Variants in CAMSAP2 observed in about 807,000 individuals in gnomAD.
The protein encoded by CAMSAP2 is calmodulin-regulated spectrin-associated protein 2.
In CAMSAP2, 26 loss-of-function variants were observed where a neutral mutation model predicts 146.1. The observed-to-expected ratio is 0.18, with a 90% CI of 0.13 to 0.25. The LOEUF is 0.25. CAMSAP2 is among the 10% of genes least tolerant of loss of function. The pLI is 1.00. For missense variants in CAMSAP2, 1,381 were observed against 1,759.3 expected (o/e 0.78, Z 3.85); for synonymous variants, 499 against 596.6 (o/e 0.84, Z 2.38).
chr1:200,823,740 T>A (rs1024723698), intron 4 of CAMSAP2, among the ~76,000 whole-genome samples: 3 of 152,220 alleles, frequency 2.0e-5, no homozygotes, highest in African/African-American at 7.2e-5. Context: ...TCCCTTCTTA[T>A]TTTTGGAAGT....
chr1:200,836,734 T>G (rs1453877189), intron 6 of CAMSAP2, among the ~76,000 whole-genome samples: 1 of 152,152 alleles, frequency 6.6e-6, no homozygotes, highest in African/African-American at 2.4e-5. Flanking sequence ...CCTTTTTCTC[T>G]GCAACTTTGT....
At chr1:200,838,081 T>G (rs949051516) in intron 6 of CAMSAP2, among the ~76,000 whole-genome samples, 2 of 152,226 alleles carry the variant, frequency 1.3e-5, no homozygotes, top group African/African-American at 4.8e-5. Flanking sequence ...GATTTATTGC[T>G]GTTTAATCGT....
At chr1:200,778,396 G>A (rs1272705768) in intron 2 of CAMSAP2, among the ~76,000 whole-genome samples, 2 of 152,088 alleles carry the variant, frequency 1.3e-5, no homozygotes, top group Non-Finnish European at 2.9e-5. Flanking sequence ...AAGTGTTTTG[G>A]GGGAGGCTCC....
intron 4 of CAMSAP2, among the ~76,000 whole-genome samples, chr1:200,817,220 A>ATACACACATACACACACG (rs1558192223): frequency 9.2e-6 from 1 of 108,412 alleles, no homozygotes; most frequent in Non-Finnish European, 1.9e-5. Context: ...ATACACACAT[A>ATACACACATACACACACG]TGTGTGTGTA....
At chr1:200,790,777 T>G (rs1484084077) in intron 2 of CAMSAP2, among the ~76,000 whole-genome samples, 1 of 152,224 alleles carries the variant, frequency 6.6e-6, no homozygotes, top group Admixed American at 6.5e-5. Flanking sequence ...CTTTTACATT[T>G]TTTTGTAGTG....
At chr1:200,747,253 G>A (rs967499270) in intron 1 of CAMSAP2, among the ~76,000 whole-genome samples, 1 of 152,102 alleles carries the variant, frequency 6.6e-6, no homozygotes, top group South Asian at 2.1e-4. Flanking sequence ...CAAGACAGGC[G>A]AGCCAGCAAA....
intron 1 of CAMSAP2, among the ~76,000 whole-genome samples, chr1:200,759,631 A>C (rs534200644): frequency 6.6e-6 from 1 of 152,192 alleles, no homozygotes; most frequent in East Asian, 1.9e-4. Context: ...TTGAGCTTAT[A>C]TTAAAGCTGC....
At chr1:200,789,241 T>A (rs1175064366) in intron 2 of CAMSAP2, among the ~76,000 whole-genome samples, 3 of 152,210 alleles carry the variant, frequency 2.0e-5, no homozygotes, top group African/African-American at 7.2e-5. Flanking sequence ...GTTTTGTATC[T>A]AAGAAGTCAT....
chr1:200,849,500 A>T lies in CAMSAP2; in HGVS notation c.2731A>T (p.Met911Leu). 1 of 1,614,198 alleles carries T rather than the reference A, an allele frequency of 6.2e-7. No homozygotes were observed. ...ACTTCAGCAGGAGATGTTAATGCAG[A>T]TGAGAGAGCAACAATCTTGGGTGAT... Reference protein sequence around the residue: ...LSLQQEMLMQMREQQSWVISP... With the variant: ...LSLQQEMLMQLREQQSWVISP... Residue 911 changes from methionine (M) to leucine (L), a missense_variant, in exon 11 of 17, where the codon ATG (methionine) becomes TTG (leucine). Physicochemically the swap from Met to Leu is conservative, Grantham distance 15. This residue lies in a region of CAMSAP2 where 560 missense variants were observed against 715.9 expected (regional missense o/e 0.78). Transcript: ENST00000358823. This position sits in a 1 kb window ranked among gnomAD's most constrained non-coding sequence, Gnocchi z 6.3.
At chr1:200,752,081 CA>C (rs1377828675) in intron 1 of CAMSAP2, among the ~76,000 whole-genome samples, 2 of 151,982 alleles carry the variant, frequency 1.3e-5, no homozygotes, top group Non-Finnish European at 2.9e-5. Flanking sequence ...GTCTGGGCTA[CA>C]AATCCAAATG....
At chr1:200,765,161 C>G (rs1434219776) in intron 2 of CAMSAP2, among the ~76,000 whole-genome samples, 1 of 152,094 alleles carries the variant, frequency 6.6e-6, no homozygotes, top group African/African-American at 2.4e-5. Context: ...AAACATTTCT[C>G]TCAATCTCCA....
Position 200,739,889 on chromosome 1 carries a change from C to G in CAMSAP2, c.62C>G (p.Pro21Arg). The G allele has an allele frequency of 6.2e-7, 1 of 1,614,202 alleles. No homozygotes were observed. Among genetic ancestry groups the G allele is most frequent in the Non-Finnish European group, 8.5e-7 (1 of 1,180,032 alleles). ...ACGTTCATTGTTCCAGCCATCAAGC[C>G]TTTTGACCACTATGATTTCTCCAGG... ...RKTFIVPAIK[P>R]FDHYDFSRAK... The change falls in exon 1 of 17, where the codon CCT becomes CGT. Residue 21 changes from proline (P) to arginine (R), a missense_variant. Coordinates refer to ENST00000358823, the MANE Select transcript of CAMSAP2 (RefSeq NM_203459.4). This position sits in a 1 kb window ranked among gnomAD's most constrained non-coding sequence, Gnocchi z 4.8.
At chr1:200,813,010 TTA>T (rs1429765005) in intron 3 of CAMSAP2, among the ~76,000 whole-genome samples, 1 of 152,242 alleles carries the variant, frequency 6.6e-6, no homozygotes, top group Non-Finnish European at 1.5e-5. Context: ...AAGTTACTTC[TTA>T]AAGAAATTGT....
chr1:200,769,962 C>A (rs1665068915), intron 2 of CAMSAP2, among the ~76,000 whole-genome samples: 1 of 152,058 alleles, frequency 6.6e-6, no homozygotes, highest in Non-Finnish European at 1.5e-5. Flanking sequence ...CCTAACACAC[C>A]CAAGATTATA....
intron 2 of CAMSAP2, among the ~76,000 whole-genome samples, chr1:200,785,181 G>A (rs914011449): frequency 2.0e-5 from 3 of 152,222 alleles, no homozygotes; most frequent in Admixed American, 6.5e-5. Flanking sequence ...GGTGTTTACA[G>A]CCATGTTCGT....
rs192356131 is a variant in CAMSAP2, at chr1:200,783,662, T to A, written c.399+22564T>A. ...CATACCTGGCTAATTAAAAAAAAAA[T>A]TTTTTTTTGTAGAAACAGGGCCTCA... On this transcript the variant is annotated intron_variant, in intron 2 of 16. Transcript: ENST00000358823. 4.5e-3 allele frequency among the ~76,000 whole-genome samples: 681 copies of A among 151,270 alleles called. 6 individuals are homozygous for A. The highest frequency in any genetic ancestry group is 0.018 in the Admixed American group (273 of 15,176).
intron 1 of CAMSAP2, among the ~76,000 whole-genome samples, chr1:200,754,821 A>T (rs1484054470): frequency 3.9e-5 from 6 of 151,974 alleles, no homozygotes; most frequent in African/African-American, 1.4e-4. Context: ...TGACCTTGTG[A>T]TCTGCCTGCC....
chr1:200,847,977 A>G (rs990695880), intron 10 of CAMSAP2, 55 bp from the exon 11 acceptor site: 3 of 1,164,814 alleles, frequency 2.6e-6, no homozygotes, highest in African/African-American at 1.5e-5. Flanking sequence ...GTTAAATGAT[A>G]CTAAAAATCA....
chr1:200,739,736 G>A lies in CAMSAP2; in HGVS notation c.-92G>A, dbSNP rs1664095047. On this transcript the variant is annotated 5_prime_UTR_variant, in exon 1 of 17. Transcript: ENST00000358823. This position sits in a 1 kb window ranked among gnomAD's most constrained non-coding sequence, Gnocchi z 4.8. ...CATCGCCCGGGCCCCGATGGTTTGA[G>A]CTTGCTTCTCCCTCCCTCCCGACCC... 6 of 1,356,406 alleles carry A rather than the reference G, an allele frequency of 4.4e-6. No individual in the cohort carries two copies. Among genetic ancestry groups the A allele is most frequent in the South Asian group, 1.4e-5 (1 of 69,350 alleles). 84.0% of individuals were successfully genotyped at this position (1,356,406 alleles called of 1,614,324 possible).
Sources: allele counts gnomAD v4.1 joint callset (sites outside exome capture counted in the v4.1 genomes callset), GRCh38; gene constraint gnomAD v4.1.1; regional missense constraint gnomAD v4.1.1; non-coding constraint Gnocchi (gnomAD v3.1); transcripts MANE v1.5; gene names NCBI Gene and HGNC (gene_info 2026-07-23, HGNC 2026-07-21).